The following DMD variants were observed in gnomAD, a reference collection of about 807,000 sequenced individuals.
The protein encoded by DMD is dystrophin, also known as mutant dystrophin.
In DMD, 63 loss-of-function variants were observed where a neutral mutation model predicts 330.1. That is an observed-to-expected ratio of 0.19 (90% CI 0.16 to 0.24). The LOEUF (loss-of-function observed/expected upper bound fraction) is 0.24. Ranked by LOEUF, DMD falls within the 10% of genes least tolerant of loss-of-function variation. The pLI is 1.00. For missense variants in DMD, 3,344 were observed against 2,684.1 expected (o/e 1.25, Z -5.43); for synonymous variants, 1,223 against 959.8 (o/e 1.27, Z -5.07).
chrX:31,191,191 A>ATGTGTGTGTG (rs34438085), intron 67 of DMD, among the ~76,000 whole-genome samples: 3 of 107,164 alleles, frequency 2.8e-5, no homozygotes, highest in African/African-American at 1.0e-4. Context: ...TACAATGTGT[A>ATGTGTGTGTG]TGTGTGTGTG....
At chrX:33,198,233 A>G (rs776335414) in intron 1 of DMD, among the ~76,000 whole-genome samples, 17 of 111,504 alleles carry the variant, frequency 1.5e-4, no homozygotes, top group Non-Finnish European at 2.6e-4. Flanking sequence ...CTCTTCAGTG[A>G]AATGTCTATT....
At chrX:31,699,258 G>A (rs760118759) in intron 52 of DMD, among the ~76,000 whole-genome samples, 12 of 112,032 alleles carry the variant, frequency 1.1e-4, no homozygotes, top group Non-Finnish European at 1.9e-4. Flanking sequence ...GATCCCTGGA[G>A]ATGTTTTCAG....
chrX:32,911,761 T>C (rs2087265222), intron 2 of DMD, among the ~76,000 whole-genome samples: 1 of 111,798 alleles, frequency 8.9e-6, no homozygotes, highest in African/African-American at 3.2e-5. Context: ...AGAATTTAAA[T>C]TGGTGTAACC....
chrX:32,528,513 A>G (rs2148865079), intron 17 of DMD, among the ~76,000 whole-genome samples: 1 of 111,821 alleles, frequency 8.9e-6, no homozygotes, highest in Non-Finnish European at 1.9e-5. Flanking sequence ...ACCAAAAATA[A>G]AAGGCTAACT....
chrX:32,697,818 A>T, intron 9 of DMD, 52 bp downstream of exon 9: 2 of 1,201,110 alleles, frequency 1.7e-6, no homozygotes, highest in Non-Finnish European at 2.2e-6. Flanking sequence ...GTGTTAGATT[A>T]TCTTGGAAGC....
chrX:31,746,786 A>C (rs1233546426), intron 51 of DMD, among the ~76,000 whole-genome samples: 1 of 110,353 alleles, frequency 9.1e-6, no homozygotes, highest in Non-Finnish European at 1.9e-5. Context: ...GCATGTGTGT[A>C]TGTGTGCATG....
rs770728145 is a variant in DMD, at chrX:32,076,383, C to CTT, written c.6439-107871_6439-107870dup. Reference sequence around the variant, plus strand: ...ATAAGACTTCTTTTTTTCTTTCTTTCTTTTTTTTTTTTTTGAGACAGAGTC... The same window carrying CTT: ...ATAAGACTTCTTTTTTTCTTTCTTTCTTTTTTTTTTTTTTTTGAGACAGAGTC... On this transcript the variant is annotated intron_variant, in intron 44 of 78. Coordinates refer to ENST00000357033, the MANE Select transcript of DMD (RefSeq NM_004006.3). Among the ~76,000 whole-genome samples the CTT allele has an allele frequency of 8.1e-4, 74 of 90,878 alleles. 2 individuals are homozygous for CTT. Among genetic ancestry groups the CTT allele is most frequent in the African/African-American group, 2.5e-3 (63 of 25,291 alleles). The allele number at this position is 90,878 out of a possible 115,157, so 78.9% of individuals were successfully genotyped here.
chrX:32,818,974 C>T (rs1371046481), intron 5 of DMD, among the ~76,000 whole-genome samples: 1 of 107,423 alleles, frequency 9.3e-6, no homozygotes, highest in Non-Finnish European at 1.9e-5. Flanking sequence ...CTTCCTCTTT[C>T]CACTCCTGTC....
chrX:31,947,572 G>C (rs2095104888), intron 45 of DMD, among the ~76,000 whole-genome samples: 1 of 112,318 alleles, frequency 8.9e-6, no homozygotes, highest in Non-Finnish European at 1.9e-5. Flanking sequence ...TACACATTTA[G>C]TATAATCCTG....
chrX:31,582,306 G>A (rs1275114835), intron 55 of DMD, among the ~76,000 whole-genome samples: 1 of 111,065 alleles, frequency 9.0e-6, no homozygotes, highest in African/African-American at 3.3e-5. Flanking sequence ...TGGAAGTATT[G>A]GGACGTAAGG....
intron 50 of DMD, among the ~76,000 whole-genome samples, chrX:31,809,120 T>C (rs1171264951): frequency 2.8e-5 from 3 of 105,482 alleles, no homozygotes; most frequent in Non-Finnish European, 5.8e-5. Flanking sequence ...TATATATATA[T>C]GAGTTTATAT....
Position 32,115,777 on chromosome X carries a change from A to G in DMD, c.6438+101139T>C, listed in dbSNP as rs1194940223. On this transcript the variant is annotated intron_variant, in intron 44 of 78. Coordinates refer to ENST00000357033, the MANE Select transcript of DMD (RefSeq NM_004006.3). ...CTTTACATCTAATTCATCACAGCAA[A>G]TCCTGTCAGCTTTGTCTTTAAAATG... is the stretch of plus-strand genomic sequence containing the variant. Among the ~76,000 whole-genome samples the G allele has an allele frequency of 3.6e-5, 4 of 111,315 alleles. No individual in the cohort carries two copies. The Admixed American group carries it at 3.8e-4, about 11-fold the overall frequency.
chrX:32,092,855 C>T (rs1225778587), intron 44 of DMD, among the ~76,000 whole-genome samples: 2 of 101,650 alleles, frequency 2.0e-5, no homozygotes, highest in Non-Finnish European at 3.9e-5. Context: ...AATAAAACAT[C>T]AAGGTGTAAT....
chrX:32,987,987 A>G lies in DMD; in HGVS notation c.93+32152T>C, dbSNP rs182374203. 5.6e-4 allele frequency among the ~76,000 whole-genome samples: 61 copies of G among 109,464 alleles called. 1 individual carries two copies. Among genetic ancestry groups the G allele is most frequent in the Middle Eastern group, 4.7e-3 (1 of 211 alleles). ...AAATCATATATACATATATATGTGT[A>G]TATATATATATAAAATCACACACAG... On this transcript the variant is annotated intron_variant, in intron 2 of 78. Coordinates refer to ENST00000357033, the MANE Select transcript of DMD (RefSeq NM_004006.3).
At chrX:31,214,937 C>CTTTTTT (rs761569710) in intron 64 of DMD, among the ~76,000 whole-genome samples, 3,110 of 37,870 alleles carry the variant, frequency 0.082, 239 homozygotes, top group Admixed American at 0.1. Flanking sequence ...TTTCTTTTTT[C>CTTTTTT]TTTTTTTTTT....
intron 11 of DMD, among the ~76,000 whole-genome samples, chrX:32,621,396 T>C (rs1255398215): frequency 2.7e-5 from 3 of 111,181 alleles, no homozygotes; most frequent in African/African-American, 9.8e-5. Context: ...CACCCAGTAA[T>C]CTTTCATGTT....
intron 1 of DMD, among the ~76,000 whole-genome samples, chrX:33,183,119 C>A (rs943361725): frequency 9.0e-5 from 10 of 111,622 alleles, no homozygotes; most frequent in African/African-American, 2.9e-4. Flanking sequence ...TATTTTAAAT[C>A]TTTTAAATTC....
chrX:31,874,539 A>G (rs1029500265), intron 48 of DMD, among the ~76,000 whole-genome samples: 1 of 111,695 alleles, frequency 9.0e-6, no homozygotes, highest in African/African-American at 3.3e-5. Context: ...CTAGTAACAT[A>G]AGTTTAATGA....
chrX:31,517,493 T>C (rs1405676058), intron 55 of DMD, among the ~76,000 whole-genome samples: 1 of 112,026 alleles, frequency 8.9e-6, no homozygotes, highest in East Asian at 2.8e-4. Flanking sequence ...GAATGCCGCC[T>C]GGAGATTTTT....
Sources: gnomAD v4.1 joint callset for allele counts (sites outside exome capture counted in the v4.1 genomes callset) on GRCh38, gnomAD v4.1.1 for gene constraint, MANE v1.5 for transcripts, NCBI Gene and HGNC (gene_info 2026-07-23, HGNC 2026-07-21) for gene names.